ACTL8: variants seen among roughly 807,000 people sequenced by gnomAD.
ACTL8 encodes the protein actin like 8.
In ACTL8, 3 loss-of-function variants were observed where a neutral mutation model predicts 9.3. The ratio of observed to expected loss-of-function variants is 0.32; its 90% CI spans 0.15 to 0.83. The LOEUF is 0.83. Among genes scored for constraint, ACTL8 ranks in the 40% least tolerant of loss-of-function variants. The probability of loss-of-function intolerance (pLI) is 0.57; values close to 1 mark genes in which losing one functional copy is unlikely to be tolerated. For synonymous variants in ACTL8, 224 were observed against 205.9 expected (o/e 1.09, Z -0.75); for missense variants, 381 against 492.2 (o/e 0.77, Z 2.14).
intron 1 of ACTL8, among the ~76,000 whole-genome samples, chr1:17,815,004 C>T (rs1443970060): frequency 6.6e-6 from 1 of 152,092 alleles, no homozygotes; most frequent in Non-Finnish European, 1.5e-5. Flanking sequence ...CAATAACATG[C>T]TGTACCCGTT....
At chr1:17,809,560 C>T (rs1055053791) in intron 1 of ACTL8, among the ~76,000 whole-genome samples, 14 of 152,164 alleles carry the variant, frequency 9.2e-5, no homozygotes, top group Admixed American at 6.5e-4. Flanking sequence ...AGCCACTCCC[C>T]ATTGCTCACA....
intron 1 of ACTL8, among the ~76,000 whole-genome samples, chr1:17,764,475 G>C (rs903964869): frequency 2.0e-5 from 3 of 152,180 alleles, no homozygotes; most frequent in Non-Finnish European, 4.4e-5. Context: ...GTTAGGCATG[G>C]TCAGGAATGC....
At chr1:17,761,431 G>A (rs1378530924) in intron 1 of ACTL8, among the ~76,000 whole-genome samples, 1 of 152,100 alleles carries the variant, frequency 6.6e-6, no homozygotes. Flanking sequence ...GTCTCCCTGG[G>A]CCAGGCTCTT....
At chr1:17,812,226 T>C (rs766965164) in intron 1 of ACTL8, among the ~76,000 whole-genome samples, 6 of 152,108 alleles carry the variant, frequency 3.9e-5, no homozygotes, top group Non-Finnish European at 7.4e-5. Context: ...AACTTTGTTC[T>C]TTTAGAAATT....
intron 1 of ACTL8, among the ~76,000 whole-genome samples, chr1:17,807,288 G>C (rs1267482597): frequency 6.6e-6 from 1 of 152,148 alleles, no homozygotes; most frequent in Non-Finnish European, 1.5e-5. Flanking sequence ...TTGTGCTTTG[G>C]AGACCGCAGC....
At chr1:17,814,571 AATCG>A in intron 1 of ACTL8, among the ~76,000 whole-genome samples, 1 of 152,260 alleles carries the variant, frequency 6.6e-6, no homozygotes, top group African/African-American at 2.4e-5. Context: ...ATTATGTTAC[AATCG>A]CCTACAGTAT....
rs759041342 is a variant in ACTL8 at position 17,826,298 on chromosome 1, C to T, written c.880C>T (p.His294Tyr). ...EISLRPLLVS[H>Y]VMACGGNTLY... The stretch of plus-strand genomic sequence containing the variant: ...CTCCCTGCGCCCCCTGCTGGTCTCC[C>T]ACGTGATGGCCTGCGGGGGCAACAC... The change falls in exon 3 of 3, where the codon CAC becomes TAC. Residue 294 changes from histidine (H) to tyrosine (Y), a missense_variant. His to Tyr is a moderately conservative substitution (Grantham distance 83). This residue lies in a region of ACTL8 where 243 missense variants were observed against 276.2 expected (regional missense o/e 0.88). Coordinates refer to ENST00000375406, the MANE Select transcript of ACTL8 (RefSeq NM_030812.3). This position sits in a 1 kb window ranked among gnomAD's most constrained non-coding sequence, Gnocchi z 4.5. 96 of 1,610,612 alleles carry T rather than the reference C, an allele frequency of 6.0e-5. 2 individuals are homozygous for T. In the Admixed American group the frequency reaches 1.1e-3, roughly 18 times the overall value.
intron 1 of ACTL8, among the ~76,000 whole-genome samples, chr1:17,769,270 A>AG (rs2066067219): frequency 1.3e-5 from 2 of 152,200 alleles, no homozygotes; most frequent in Non-Finnish European, 2.9e-5. Context: ...GTGGGCCGGC[A>AG]GGGGTGGCAG....
chr1:17,783,581 C>G (rs1400056314), intron 1 of ACTL8, among the ~76,000 whole-genome samples: 1 of 152,188 alleles, frequency 6.6e-6, no homozygotes, highest in Admixed American at 6.5e-5. Flanking sequence ...CCGTTTGGCT[C>G]TCTAGCTTCG....
chr1:17,790,040 CACA>C (rs1461686855), intron 1 of ACTL8, among the ~76,000 whole-genome samples: 1 of 152,210 alleles, frequency 6.6e-6, no homozygotes, highest in African/African-American at 2.4e-5. Context: ...GTGGCCACTG[CACA>C]CAGTCAGACA....
At chr1:17,777,109 G>A (rs1475602650) in intron 1 of ACTL8, among the ~76,000 whole-genome samples, 4 of 150,602 alleles carry the variant, frequency 2.7e-5, no homozygotes, top group Non-Finnish European at 5.9e-5. Flanking sequence ...GATTACAGGT[G>A]TGAGCCGCAG....
chr1:17,758,953 G>A (rs148506723), intron 1 of ACTL8, among the ~76,000 whole-genome samples: 203 of 152,206 alleles, frequency 1.3e-3, no homozygotes, highest in African/African-American at 4.6e-3. Flanking sequence ...AACTGTGATC[G>A]GTATTTAAGT....
rs150108957 is a variant in ACTL8 at position 17,757,092 on chromosome 1, T to G, written c.-25+1588T>G. Among the ~76,000 whole-genome samples, 1,396 of 152,292 alleles carry G rather than the reference T, an allele frequency of 9.2e-3. 20 individuals are homozygous for G. Among genetic ancestry groups the G allele is most frequent in the Non-Finnish European group, 0.011 (757 of 68,032 alleles). ...CTGCAGTAAGCTATGATTGCACCGC[T>G]GCACTGTAGCCAGGTGACAGAGCAA... On this transcript the variant is annotated intron_variant, in intron 1 of 2. Coordinates refer to ENST00000375406, the MANE Select transcript of ACTL8 (RefSeq NM_030812.3).
At chr1:17,819,673 C>A (rs1340259704) in intron 1 of ACTL8, among the ~76,000 whole-genome samples, 1 of 152,210 alleles carries the variant, frequency 6.6e-6, no homozygotes, top group African/African-American at 2.4e-5. Flanking sequence ...TTGTATTCTG[C>A]AAGATGAGTT....
Position 17,759,837 on chromosome 1 carries a change from T to TG in ACTL8, c.-25+4339dup, listed in dbSNP as rs201185818. Among the ~76,000 whole-genome samples, 16 of 152,298 alleles carry TG rather than the reference T, an allele frequency of 1.1e-4. No homozygotes were observed. In the Middle Eastern group the frequency reaches 0.01, roughly 97 times the overall value. On this transcript the variant is annotated intron_variant, in intron 1 of 2. Coordinates refer to ENST00000375406, the MANE Select transcript of ACTL8 (RefSeq NM_030812.3). ...TGCTTCTGAGGGTCTCTTTCAGCCC[T>TG]GGGGGGCAGCAGCTGCTCCTTTTGT...
At chr1:17,813,253 A>G (rs2066404882) in intron 1 of ACTL8, among the ~76,000 whole-genome samples, 1 of 152,244 alleles carries the variant, frequency 6.6e-6, no homozygotes, top group Non-Finnish European at 1.5e-5. Context: ...ACTTCTCACT[A>G]TTACCTATGT....
At position 17,825,859 on chromosome 1, in the gene ACTL8, G is replaced by A. The variant is rs772429615; in HGVS notation, c.441G>A (p.Val147=). The A allele has an allele frequency of 1.2e-5, 20 of 1,614,070 alleles. No homozygotes were observed. The East Asian group carries it at 4.5e-4, about 36-fold the overall frequency. ...LYASGLLTGV[V]VDSGYGLTRV... ...CCTCTGGCCTCCTGACCGGAGTGGT[G>A]GTTGATTCTGGCTATGGCCTGACCC... The change falls in exon 3 of 3, where the codon GTG becomes GTA. Residue 147 remains valine (V), a synonymous_variant. Transcript: ENST00000375406.
intron 1 of ACTL8, among the ~76,000 whole-genome samples, chr1:17,759,965 A>G (rs942539385): frequency 2.6e-5 from 4 of 152,174 alleles, no homozygotes; most frequent in African/African-American, 9.6e-5. Context: ...AAACTTACCT[A>G]TTCAAATGAC....
rs79096288 is a variant in ACTL8 at position 17,771,313 on chromosome 1, T to A, written c.-25+15809T>A. ...CTTCTTCTGATTTTTTTTTTCAACA[T>A]TTAAAAATACAAAAACCATTCTTGG... is the stretch of plus-strand genomic sequence containing the variant. On this transcript the variant is annotated intron_variant, in intron 1 of 2. Coordinates refer to ENST00000375406, the MANE Select transcript of ACTL8 (RefSeq NM_030812.3). Among the ~76,000 whole-genome samples the A allele has an allele frequency of 8.7e-3, 1,320 of 152,270 alleles. 17 individuals carry two copies. Among genetic ancestry groups the A allele is most frequent in the African/African-American group, 0.03 (1,245 of 41,550 alleles).
Sources: gnomAD v4.1 joint callset for allele counts (sites outside exome capture counted in the v4.1 genomes callset) on GRCh38, gnomAD v4.1.1 for gene constraint, gnomAD v4.1.1 regional missense constraint, Gnocchi (gnomAD v3.1) non-coding constraint, MANE v1.5 for transcripts, NCBI Gene and HGNC (gene_info 2026-07-23, HGNC 2026-07-21) for gene names.